Variants in CAST observed in about 807,000 individuals in gnomAD.
CAST encodes the protein MIR583 host.
Under a neutral mutation model 119.6 loss-of-function variants are expected in CAST, and 76 were observed. The ratio of observed to expected loss-of-function variants is 0.64; its 90% CI spans 0.53 to 0.77. The LOEUF (loss-of-function observed/expected upper bound fraction) is 0.77. Among genes scored for constraint, CAST ranks in the 30% least tolerant of loss-of-function variants. The pLI, the probability that CAST is intolerant of heterozygous loss-of-function variation, is 0.00. For synonymous variants in CAST, 319 were observed against 331.6 expected, an observed-to-expected ratio of 0.96 and a Z score of 0.41; for missense variants, 953 against 946.5, an observed-to-expected ratio of 1.01 and a Z score of -0.09.
At chr5:96,151,080 T>G in the CAST span, among the ~76,000 whole-genome samples, 1 of 152,234 alleles carries the variant, frequency 6.6e-6, no homozygotes, top group Non-Finnish European at 1.5e-5. Flanking sequence ...AGGGGAGGAA[T>G]CATTGGTTAA....
chr5:96,024,941 A>G, the CAST span, among the ~76,000 whole-genome samples: 3 of 152,134 alleles, frequency 2.0e-5, no homozygotes, highest in African/African-American at 7.2e-5. Context: ...TTTAAATGTC[A>G]TATTCTAGGT....
the CAST span, among the ~76,000 whole-genome samples, chr5:96,016,766 A>G: frequency 6.6e-6 from 1 of 151,700 alleles, no homozygotes; most frequent in Non-Finnish European, 1.5e-5. Context: ...GATAATGTAA[A>G]ACCTTAATGG....
the CAST span, among the ~76,000 whole-genome samples, chr5:96,447,819 T>C: frequency 6.6e-6 from 1 of 152,160 alleles, no homozygotes; most frequent in Non-Finnish European, 1.5e-5. Context: ...TGAGGTGCCC[T>C]GTCAGTGACA....
At chr5:96,425,403 A>G in the CAST span, among the ~76,000 whole-genome samples, 13 of 152,360 alleles carry the variant, frequency 8.5e-5, no homozygotes, top group South Asian at 2.5e-3. Context: ...TCTGTGTCAT[A>G]TAAGAATTGT....
At chr5:96,080,272 T>G in the CAST span, among the ~76,000 whole-genome samples, 1 of 152,236 alleles carries the variant, frequency 6.6e-6, no homozygotes, top group East Asian at 1.9e-4. Context: ...ACATTCTACA[T>G]AAATTATCTC....
intron 1 of CAST, among the ~76,000 whole-genome samples, chr5:96,605,011 A>G (rs1431572271): frequency 1.3e-5 from 2 of 152,218 alleles, no homozygotes; most frequent in East Asian, 3.9e-4. Flanking sequence ...CCCGGGACAT[A>G]GAGAACCAAC....
At chr5:96,463,163 G>A in the CAST span, among the ~76,000 whole-genome samples, 2 of 152,088 alleles carry the variant, frequency 1.3e-5, no homozygotes, top group Non-Finnish European at 2.9e-5. Context: ...CAATGTAAGT[G>A]TTGAATTTTA....
chr5:96,456,690 G>A, the CAST span, among the ~76,000 whole-genome samples: 1 of 152,286 alleles, frequency 6.6e-6, no homozygotes, highest in East Asian at 1.9e-4. Flanking sequence ...TGGCCTCCTT[G>A]GGCTTCTGTC....
At chr5:96,675,638 C>T (rs746669665) in intron 2 of CAST, 37 bp downstream of exon 2, 4 of 1,436,688 alleles carry the variant, frequency 2.8e-6, no homozygotes, top group African/African-American at 2.8e-5. Context: ...TTTTCTCTTG[C>T]TTTTAAACTG....
chr5:96,638,713 T>C (rs905340053), intron 1 of CAST, among the ~76,000 whole-genome samples: 4 of 152,192 alleles, frequency 2.6e-5, no homozygotes, highest in African/African-American at 9.6e-5. Flanking sequence ...AGCCAACATA[T>C]TCATGGCTGT....
At chr5:96,531,456 A>T (rs1445279628) in intron 1 of CAST, among the ~76,000 whole-genome samples, 1 of 152,218 alleles carries the variant, frequency 6.6e-6, no homozygotes, top group Admixed American at 6.5e-5. Flanking sequence ...ATAGAAACTG[A>T]GACCTACACT....
At chr5:96,285,252 G>A in the CAST span, among the ~76,000 whole-genome samples, 4 of 152,012 alleles carry the variant, frequency 2.6e-5, no homozygotes, top group Non-Finnish European at 5.9e-5. Flanking sequence ...TTAACAGTAG[G>A]AAAAAGATGA....
chr5:96,433,068 G>T, the CAST span: 6 of 1,609,578 alleles, frequency 3.7e-6, no homozygotes, highest in Non-Finnish European at 4.3e-6. Context: ...TTGAACAAGA[G>T]TGGGAAGGGA....
chr5:96,241,657 T>C, the CAST span, among the ~76,000 whole-genome samples: 1 of 142,088 alleles, frequency 7.0e-6, no homozygotes, highest in African/African-American at 2.5e-5. Flanking sequence ...CCACAATGGT[T>C]GAACTAGTTT....
the CAST span, among the ~76,000 whole-genome samples, chr5:96,115,989 C>T: frequency 6.7e-6 from 1 of 150,058 alleles, no homozygotes; most frequent in African/African-American, 2.5e-5. Context: ...TTGAAGTATA[C>T]AGTTTAATGA....
the CAST span, among the ~76,000 whole-genome samples, chr5:96,041,090 TAGTCTTGGG>T: frequency 6.6e-6 from 1 of 152,150 alleles, no homozygotes; most frequent in African/African-American, 2.4e-5. Flanking sequence ...CTTCCTGGTT[TAGTCTTGGG>T]AGGCATAAAT....
the CAST span, among the ~76,000 whole-genome samples, chr5:96,062,616 T>C: frequency 6.6e-6 from 1 of 152,038 alleles, no homozygotes. Flanking sequence ...TCACTTCAGG[T>C]TCCTCAGGCC....
At chr5:96,319,876 A>G in the CAST span, among the ~76,000 whole-genome samples, 1 of 151,926 alleles carries the variant, frequency 6.6e-6, no homozygotes, top group Non-Finnish European at 1.5e-5. Context: ...TGAGAAGTCC[A>G]GGGCCAGCCG....
At chr5:96,002,853 A>C in the CAST span, among the ~76,000 whole-genome samples, 1 of 152,248 alleles carries the variant, frequency 6.6e-6, no homozygotes, top group Non-Finnish European at 1.5e-5. Flanking sequence ...CAAATATTTT[A>C]GATATCTATT....
Sources: allele counts gnomAD v4.1 joint callset (sites outside exome capture counted in the v4.1 genomes callset), GRCh38; gene constraint gnomAD v4.1.1; transcripts MANE v1.5; gene names NCBI Gene and HGNC (gene_info 2026-07-23, HGNC 2026-07-21).